The following SAMD12 variants were observed in gnomAD, a reference collection of about 807,000 sequenced individuals.
SAMD12 encodes sterile alpha motif domain containing 12.
SAMD12 carries 9 observed loss-of-function variants against 15.0 expected under a neutral mutation model. The observed-to-expected ratio is 0.60, with a 90% confidence interval of 0.36 to 1.05. The LOEUF (loss-of-function observed/expected upper bound fraction) is 1.05. SAMD12 is among the 50% of genes least tolerant of loss of function. The pLI is 0.01. For synonymous variants in SAMD12, 86 were observed against 90.1 expected (o/e 0.96, Z 0.25); for missense variants, 230 against 234.2 (o/e 0.98, Z 0.12).
At chr8:118,417,328 C>T (rs116873760) in intron 3 of SAMD12, among the ~76,000 whole-genome samples, 3,822 of 152,248 alleles carry the variant, frequency 0.025, 64 homozygotes, top group Non-Finnish European at 0.039. Flanking sequence ...AGGTGATCCT[C>T]CCACCTTGGC....
chr8:118,555,614 A>G (rs1391128157), intron 2 of SAMD12, among the ~76,000 whole-genome samples: 1 of 152,216 alleles, frequency 6.6e-6, no homozygotes, highest in Non-Finnish European at 1.5e-5. Context: ...CCAAATCAAT[A>G]TTTAAAAAAT....
intron 4 of SAMD12, among the ~76,000 whole-genome samples, chr8:118,248,713 CACTA>C (rs1205495111): frequency 2.0e-5 from 3 of 152,010 alleles, no homozygotes; most frequent in Non-Finnish European, 4.4e-5. Context: ...ATGCGATCAG[CACTA>C]ACTGACAAAA....
rs538678851 is a variant in SAMD12, at chr8:118,504,084, C to CCTTACT, written c.193-64129_193-64124dup. Among the ~76,000 whole-genome samples the CCTTACT allele has an allele frequency of 4.3e-3, 655 of 152,236 alleles. 2 individuals are homozygous for CCTTACT. Among genetic ancestry groups the CCTTACT allele is most frequent in the Non-Finnish European group, 7.0e-3 (476 of 68,018 alleles). ...TGTTTAAATCAGGAATCCCCTATTC[C>CCTTACT]CTTACTCTTCCCTCTTTTCCTGTCA... On this transcript the variant is annotated intron_variant, in intron 2 of 3. Coordinates refer to ENST00000314727, the MANE Select transcript of SAMD12 (RefSeq NM_207506.3).
At chr8:118,522,316 T>G (rs973927742) in intron 2 of SAMD12, among the ~76,000 whole-genome samples, 15 of 152,074 alleles carry the variant, frequency 9.9e-5, no homozygotes, top group Non-Finnish European at 1.9e-4. Flanking sequence ...TAGAGGCCAC[T>G]CCGAATGGCT....
intron 4 of SAMD12, among the ~76,000 whole-genome samples, chr8:118,221,429 C>A (rs1812079387): frequency 6.6e-6 from 1 of 152,082 alleles, no homozygotes; most frequent in Non-Finnish European, 1.5e-5. Context: ...AGAGGGACTG[C>A]ATTTCTGGAC....
chr8:118,134,345 G>T, the SAMD12 span, among the ~76,000 whole-genome samples: 1 of 152,204 alleles, frequency 6.6e-6, no homozygotes, highest in Non-Finnish European at 1.5e-5. Flanking sequence ...TCCCATGAGG[G>T]GCTTTTTCTG....
intron 1 of SAMD12, among the ~76,000 whole-genome samples, chr8:118,613,393 G>T (rs909854380): frequency 1.7e-4 from 26 of 152,160 alleles, no homozygotes; most frequent in African/African-American, 6.0e-4. Context: ...GGTTATAATT[G>T]AAAGTATGTG....
chr8:118,526,811 C>A (rs1001530001), intron 2 of SAMD12, among the ~76,000 whole-genome samples: 1 of 152,166 alleles, frequency 6.6e-6, no homozygotes, highest in Non-Finnish European at 1.5e-5. Context: ...ATAGACACAG[C>A]CTTCTGAGAC....
At chr8:118,362,124 G>C (rs1444583529) in intron 4 of SAMD12, among the ~76,000 whole-genome samples, 1 of 152,038 alleles carries the variant, frequency 6.6e-6, no homozygotes, top group Non-Finnish European at 1.5e-5. Context: ...GAGGGACAGT[G>C]AAGAGAATTG....
At chr8:118,540,716 C>T (rs575565841) in intron 2 of SAMD12, among the ~76,000 whole-genome samples, 11 of 152,020 alleles carry the variant, frequency 7.2e-5, no homozygotes, top group Non-Finnish European at 1.6e-4. Flanking sequence ...AAAAATGCCA[C>T]ATATGTTCTA....
chr8:118,621,744 T>C (rs1207596270), intron 1 of SAMD12, 60 bp downstream of exon 1: 1 of 1,588,076 alleles, frequency 6.3e-7, no homozygotes, highest in East Asian at 2.2e-5. Flanking sequence ...TCATCGGGGA[T>C]GTGTGCCTTG....
intron 2 of SAMD12, among the ~76,000 whole-genome samples, chr8:118,544,714 C>G (rs1419544093): frequency 6.6e-6 from 1 of 152,192 alleles, no homozygotes; most frequent in Non-Finnish European, 1.5e-5. Flanking sequence ...TCTCAACCTT[C>G]ATTCCCTGCT....
intron 4 of SAMD12, among the ~76,000 whole-genome samples, chr8:118,212,974 C>T (rs1473195895): frequency 6.6e-6 from 1 of 152,034 alleles, no homozygotes; most frequent in Non-Finnish European, 1.5e-5. Context: ...ACCTAACAAA[C>T]CTCAAATCCC....
chr8:118,343,364 G>T (rs1817468227), intron 4 of SAMD12, among the ~76,000 whole-genome samples: 1 of 146,108 alleles, frequency 6.8e-6, no homozygotes, highest in Non-Finnish European at 1.5e-5. Flanking sequence ...TAGTTTTGGA[G>T]GGGGGGAATC....
At chr8:118,392,172 T>C (rs1820312202) in intron 3 of SAMD12, among the ~76,000 whole-genome samples, 1 of 152,200 alleles carries the variant, frequency 6.6e-6, no homozygotes, top group African/African-American at 2.4e-5. Context: ...CTCACGCCTG[T>C]AATCCCAGCA....
At chr8:118,412,349 G>A (rs1486867176) in intron 3 of SAMD12, among the ~76,000 whole-genome samples, 1 of 152,160 alleles carries the variant, frequency 6.6e-6, no homozygotes, top group Non-Finnish European at 1.5e-5. Flanking sequence ...TAACAAGCCT[G>A]GACCTTGTGT....
chr8:118,229,788 G>A (rs1812268096), intron 4 of SAMD12, among the ~76,000 whole-genome samples: 1 of 152,038 alleles, frequency 6.6e-6, no homozygotes, highest in African/African-American at 2.4e-5. Context: ...TCCCCTATAA[G>A]AAGACTTCCC....
intron 4 of SAMD12, among the ~76,000 whole-genome samples, chr8:118,234,168 G>A (rs574456624): frequency 1.3e-5 from 2 of 152,188 alleles, no homozygotes; most frequent in African/African-American, 4.8e-5. Flanking sequence ...GTGGTTTCTC[G>A]ATGTTTTTTG....
intron 2 of SAMD12, among the ~76,000 whole-genome samples, chr8:118,535,333 C>CT (rs1354731974): frequency 6.6e-6 from 1 of 152,230 alleles, no homozygotes; most frequent in Admixed American, 6.5e-5. Flanking sequence ...GGGCACCTGG[C>CT]TGTATGAGGT....
Sources: gnomAD v4.1 joint callset for allele counts (sites outside exome capture counted in the v4.1 genomes callset) on GRCh38, gnomAD v4.1.1 for gene constraint, MANE v1.5 for transcripts, NCBI Gene and HGNC (gene_info 2026-07-23, HGNC 2026-07-21) for gene names.